ATG4B: variants seen among roughly 807,000 people sequenced by gnomAD.
ATG4B encodes autophagy related 4B cysteine peptidase, also known as cysteine protease ATG4B.
Under a neutral mutation model 56.6 loss-of-function variants are expected in ATG4B, and 29 were observed. The ratio of observed to expected loss-of-function variants is 0.51; its 90% CI spans 0.38 to 0.70. The LOEUF (loss-of-function observed/expected upper bound fraction) is 0.70. ATG4B is among the 30% of genes least tolerant of loss of function. ATG4B has a pLI of 0.00. For missense variants in ATG4B, 461 were observed against 515.5 expected (o/e 0.89, Z 1.02); for synonymous variants, 224 against 206.1 (o/e 1.09, Z -0.74).
intron 12 of ATG4B, chr2:241,671,654 CG>C: frequency 6.9e-7 from 1 of 1,439,920 alleles, no homozygotes; most frequent in Non-Finnish European, 9.2e-7. Flanking sequence ...TGGAGCTGGG[CG>C]TGCTACCATG....
chr2:241,671,239 G>T, intron 11 of ATG4B, 73 bp from the exon 12 acceptor site: 1 of 1,366,804 alleles, frequency 7.3e-7, no homozygotes, highest in Non-Finnish European at 1.0e-6. Context: ...GGCTGTGGCC[G>T]GCTGGCCCCT....
intron 7 of ATG4B, chr2:241,659,485 C>G (rs1478525246): frequency 2.3e-6 from 1 of 429,340 alleles, no homozygotes; most frequent in Admixed American, 3.2e-5. Flanking sequence ...CTTAGGCGCC[C>G]TCGTGTGGGA....
At chr2:241,666,524 ACTGT>A (rs2068779135) in intron 7 of ATG4B, 117 bp from the exon 8 acceptor site, 1 of 1,037,778 alleles carries the variant, frequency 9.6e-7, no homozygotes, top group South Asian at 1.5e-5. Context: ...TTTGAATTTC[ACTGT>A]AAGCACCTGG....
Position 241,655,565 on chromosome 2 carries a change from T to C in ATG4B, c.458+222T>C, listed in dbSNP as rs968635397. 5.4e-5 allele frequency: 31 copies of C among 575,680 alleles called. No homozygotes were observed. The Middle Eastern group carries it at 1.4e-3, about 26-fold the overall frequency. 35.7% of individuals were successfully genotyped at this position (575,680 alleles called of 1,614,324 possible). A position where few individuals can be genotyped will look rare whatever the true frequency, so the allele number is the denominator to read the frequency against. On this transcript the variant is annotated intron_variant, in intron 6 of 12. Transcript: ENST00000404914. ...CGTAGTCCACATCCTGGCTGGCACA[T>C]TGGACCCTTGTTCTTTGCTGCATGG...
chr2:241,654,408 G>A lies in ATG4B; in HGVS notation c.284-138G>A, dbSNP rs987047623. On this transcript the variant is annotated intron_variant, in intron 4 of 12. Transcript: ENST00000404914. The stretch of plus-strand genomic sequence containing the variant: ...TGCACTCCATCCTGGGTGAGAGAGC[G>A]AGACTCTGTTTAAAAAAAAAAAAAA... 15 of 641,744 alleles carry A rather than the reference G, an allele frequency of 2.3e-5. 1 individual carries two copies. Among genetic ancestry groups the A allele is most frequent in the Non-Finnish European group, 2.6e-5 (10 of 383,344 alleles). 39.8% of individuals were successfully genotyped at this position (641,744 alleles called of 1,614,324 possible).
chr2:241,656,185 G>A (rs1401842080), intron 6 of ATG4B, among the ~76,000 whole-genome samples: 3 of 152,118 alleles, frequency 2.0e-5, no homozygotes, highest in Non-Finnish European at 4.4e-5. Flanking sequence ...AAATGGCCCT[G>A]TCTCCCCTCA....
At chr2:241,643,731 G>A (rs956226736) in intron 1 of ATG4B, among the ~76,000 whole-genome samples, 1 of 143,638 alleles carries the variant, frequency 7.0e-6, no homozygotes, top group African/African-American at 2.7e-5. Flanking sequence ...GTGCAGTGGC[G>A]TGATCTCGGC....
chr2:241,653,400 G>T, intron 3 of ATG4B, 112 bp from the exon 4 acceptor site: 1 of 1,551,210 alleles, frequency 6.4e-7, no homozygotes, highest in Non-Finnish European at 8.7e-7. Context: ...AGCTGATGGA[G>T]GAGGGAGTCG....
At chr2:241,663,174 A>G (rs2068644215) in intron 7 of ATG4B, among the ~76,000 whole-genome samples, 1 of 152,262 alleles carries the variant, frequency 6.6e-6, no homozygotes, top group African/African-American at 2.4e-5. Flanking sequence ...CAGAGGCTAC[A>G]GTGAGCTGAG....
chr2:241,646,959 T>G (rs1042486144), intron 1 of ATG4B, among the ~76,000 whole-genome samples: 1 of 152,028 alleles, frequency 6.6e-6, no homozygotes, highest in African/African-American at 2.4e-5. Context: ...ACTTTTTGTG[T>G]TTTTAATAGA....
chr2:241,656,535 ATGCTCGCTGTTTCTCCTGGTCCCCTGCC>A (rs2068410640), intron 6 of ATG4B, among the ~76,000 whole-genome samples: 1 of 152,076 alleles, frequency 6.6e-6, no homozygotes, highest in Non-Finnish European at 1.5e-5. Flanking sequence ...GCCACTCGCC[ATGCTCGCTGTTTCTCCTGGTCCCCTGCC>A]TGCTCCCCAC....
At position 241,651,131 on chromosome 2, in the gene ATG4B, C is replaced by T. The variant is rs2125123045; in HGVS notation, c.112+20C>T. 1 of 1,602,238 alleles carries T rather than the reference C, an allele frequency of 6.2e-7. No homozygotes were observed. Among genetic ancestry groups the T allele is most frequent in the Non-Finnish European group, 8.5e-7 (1 of 1,172,326 alleles). Reference sequence around the variant, plus strand: ...TCACAGGTATCGGCCATGCTGGAGCCCACCCTGGTCTGACCGCTTGGCCTG... The same window carrying T: ...TCACAGGTATCGGCCATGCTGGAGCTCACCCTGGTCTGACCGCTTGGCCTG... On this transcript the variant is annotated intron_variant, in intron 2 of 12. Transcript: ENST00000404914. The surrounding 1 kb of genome is among the most constrained non-coding windows in gnomAD (Gnocchi z 4.1).
intron 1 of ATG4B, among the ~76,000 whole-genome samples, chr2:241,646,761 T>C (rs1245722433): frequency 1.3e-5 from 2 of 149,292 alleles, no homozygotes; most frequent in African/African-American, 2.5e-5. Flanking sequence ...TGATGTTAGG[T>C]AGATTACGTG....
intron 1 of ATG4B, among the ~76,000 whole-genome samples, chr2:241,643,739 G>A (rs1029916796): frequency 4.3e-5 from 6 of 139,870 alleles, no homozygotes; most frequent in African/African-American, 5.5e-5. Flanking sequence ...GCGTGATCTC[G>A]GCTCACTGCA....
In ATG4B at chr2:241,658,252, G is replaced by C. The variant is rs540431382; in HGVS notation, c.459-856G>C. On this transcript the variant is annotated intron_variant, in intron 6 of 12. Transcript: ENST00000404914. Reference sequence around the variant, plus strand: ...GTGTGGGAGTGGGGCGGGGAAGCAGGCTGTCCTCCCATCTTCAGCACTGCA... The same window carrying C: ...GTGTGGGAGTGGGGCGGGGAAGCAGCCTGTCCTCCCATCTTCAGCACTGCA... 4.6e-5 allele frequency among the ~76,000 whole-genome samples: 7 copies of C among 151,922 alleles called. No individual in the cohort carries two copies. In the East Asian group the frequency reaches 1.2e-3, roughly 25 times the overall value.
In ATG4B at chr2:241,673,188, A is replaced by G. The variant is rs904018464; in HGVS notation, c.*924A>G. On this transcript the variant is annotated 3_prime_UTR_variant, in exon 13 of 13. Coordinates refer to ENST00000404914, the MANE Select transcript of ATG4B (RefSeq NM_013325.5). Reference sequence around the variant, plus strand: ...TAGGTGGTTTAGGGCCAAAAGGGGAAAACCACTTGAGTCTTGTGGTGTGTG... The same window carrying G: ...TAGGTGGTTTAGGGCCAAAAGGGGAGAACCACTTGAGTCTTGTGGTGTGTG... 8.8e-6 allele frequency: 2 copies of G among 227,756 alleles called. No homozygotes were observed. Among genetic ancestry groups the G allele is most frequent in the African/African-American group, 4.6e-5 (2 of 43,890 alleles). The allele number at this position is 227,756 out of a possible 1,614,324, so 14.1% of individuals were successfully genotyped here.
intron 1 of ATG4B, among the ~76,000 whole-genome samples, chr2:241,644,817 C>T (rs536766175): frequency 6.6e-6 from 1 of 151,994 alleles, no homozygotes; most frequent in African/African-American, 2.4e-5. Flanking sequence ...GGCGTGGTGG[C>T]ACACACCTGT....
chr2:241,671,610 G>C lies in ATG4B; in HGVS notation c.1108+205G>C, dbSNP rs949193274. 2.0e-6 allele frequency: 3 copies of C among 1,496,448 alleles called. No homozygotes were observed. The African/African-American group carries it at 4.2e-5, about 21-fold the overall frequency. The allele number at this position is 1,496,448 out of a possible 1,614,324, so 92.7% of individuals were successfully genotyped here. A position where few individuals can be genotyped will look rare whatever the true frequency, so the allele number is the denominator to read the frequency against. ...CGCCCAGCAGCCCAGGACCCACCTC[G>C]TCTTCCCCACCAGCGCTGCCTGCCC... On this transcript the variant is annotated intron_variant, in intron 12 of 12. Transcript: ENST00000404914.
In ATG4B at chr2:241,668,672, C is replaced by T. The variant is rs1159672024; in HGVS notation, c.944C>T (p.Pro315Leu). The T allele has an allele frequency of 5.1e-6, 8 of 1,574,450 alleles. No homozygotes were observed. The highest frequency in any genetic ancestry group is 2.4e-5 in the East Asian group (1 of 42,530). Residue 315 changes from proline to leucine, a missense_variant, in exon 10 of 13, where the codon CCG becomes CTG. Transcript: ENST00000404914. This position sits in a 1 kb window ranked among gnomAD's most constrained non-coding sequence, Gnocchi z 4.2. The stretch of plus-strand genomic sequence containing the variant: ...CGCATGAGCATCGCGGAGCTTGACC[C>T]GTCCATCGCTGTGGTACGTGGCGGC... The part of the protein sequence containing the change: ...PCRMSIAELD[P>L]SIAVGFFCKT...
Sources: gnomAD v4.1 joint callset for allele counts (sites outside exome capture counted in the v4.1 genomes callset) on GRCh38, gnomAD v4.1.1 for gene constraint, Gnocchi (gnomAD v3.1) non-coding constraint, MANE v1.5 for transcripts, NCBI Gene and HGNC (gene_info 2026-07-23, HGNC 2026-07-21) for gene names.